FGF14: variants seen among roughly 807,000 people sequenced by gnomAD.
The protein encoded by FGF14 is fibroblast growth factor 14, also known as fibroblast growth factor homologous factor 4.
FGF14 carries 5 observed loss-of-function variants against 25.5 expected under a neutral mutation model. The ratio of observed to expected loss-of-function variants is 0.20; its 90% CI spans 0.10 to 0.41. The LOEUF (loss-of-function observed/expected upper bound fraction) is 0.41, where lower values mean the gene tolerates loss of function less well. FGF14 is among the 10% of genes least tolerant of loss of function. The pLI, the probability that FGF14 is intolerant of heterozygous loss-of-function variation, is 1.00. For missense variants in FGF14, 222 were observed against 320.1 expected (o/e 0.69, Z 2.34); for synonymous variants, 138 against 118.3 (o/e 1.17, Z -1.08).
At chr13:102,257,966 A>G (rs2141102028) in intron 1 of FGF14, among the ~76,000 whole-genome samples, 1 of 152,264 alleles carries the variant, frequency 6.6e-6, no homozygotes, top group Non-Finnish European at 1.5e-5. Context: ...ACTTAAAGAG[A>G]CTGGGTAATT....
At chr13:101,914,391 TATA>T (rs1378433792) in intron 1 of FGF14, among the ~76,000 whole-genome samples, 1 of 151,906 alleles carries the variant, frequency 6.6e-6, no homozygotes, top group Non-Finnish European at 1.5e-5. Context: ...ATATAAGAAA[TATA>T]AGAAGAATAA....
At chr13:102,176,848 C>G (rs1267988559) in intron 1 of FGF14, among the ~76,000 whole-genome samples, 2 of 151,936 alleles carry the variant, frequency 1.3e-5, no homozygotes, top group Non-Finnish European at 2.9e-5. Flanking sequence ...AAATTGTAAA[C>G]ATTAAACGTG....
intron 1 of FGF14, among the ~76,000 whole-genome samples, chr13:102,014,457 G>A (rs1438479408): frequency 6.6e-6 from 1 of 152,152 alleles, no homozygotes; most frequent in Non-Finnish European, 1.5e-5. Flanking sequence ...TGATAAGATT[G>A]TGTCTATATT....
chr13:101,812,611 CTATATATATATATATATATATATATA>C lies in FGF14; in HGVS notation c.408+56088_408+56113del, dbSNP rs35878751. On this transcript the variant is annotated intron_variant, in intron 3 of 4. Coordinates refer to ENST00000376143, the MANE Select transcript of FGF14 (RefSeq NM_004115.4). ...TCACTATTTTTTTATATTTTTAAAA[CTATATATATATATATATATATATATA>C]TATATATATATATATATTTTTTTTT... Among the ~76,000 whole-genome samples, 55 of 12,374 alleles carry C rather than the reference CTATATATATATATATATATATATATA, an allele frequency of 4.4e-3. 3 individuals are homozygous for C. In the East Asian group the frequency reaches 0.05, roughly 11 times the overall value. 8.1% of individuals were successfully genotyped at this position (12,374 alleles called of 152,430 possible). A position where few individuals can be genotyped will look rare whatever the true frequency, so the allele number is the denominator to read the frequency against.
At chr13:101,903,618 G>A (rs2031859406) in intron 1 of FGF14, among the ~76,000 whole-genome samples, 1 of 152,096 alleles carries the variant, frequency 6.6e-6, no homozygotes, top group Admixed American at 6.5e-5. Context: ...ATATAGAGCA[G>A]GGTGACTATA....
chr13:102,070,151 G>A (rs966898669), intron 1 of FGF14, among the ~76,000 whole-genome samples: 3 of 152,186 alleles, frequency 2.0e-5, no homozygotes, highest in Non-Finnish European at 2.9e-5. Context: ...GGATTAACCA[G>A]AAGATATAAG....
At chr13:102,317,486 T>C (rs986403429) in intron 1 of FGF14, among the ~76,000 whole-genome samples, 5 of 152,238 alleles carry the variant, frequency 3.3e-5, no homozygotes, top group Non-Finnish European at 5.9e-5. Flanking sequence ...TCCTTTCTCC[T>C]GGTTTTCTGC....
At chr13:102,189,235 G>C (rs1188707635) in intron 1 of FGF14, among the ~76,000 whole-genome samples, 2 of 152,082 alleles carry the variant, frequency 1.3e-5, no homozygotes, top group Non-Finnish European at 2.9e-5. Context: ...TGAAAAGTTG[G>C]TTTTAGTCAA....
intron 1 of FGF14, among the ~76,000 whole-genome samples, chr13:101,965,283 A>C (rs1170745381): frequency 2.6e-5 from 4 of 152,004 alleles, no homozygotes; most frequent in Non-Finnish European, 5.9e-5. Flanking sequence ...GGTTAACTAC[A>C]GAGTGAAGTT....
At chr13:102,011,406 T>C (rs1167590882) in intron 1 of FGF14, among the ~76,000 whole-genome samples, 1 of 152,192 alleles carries the variant, frequency 6.6e-6, no homozygotes, top group Non-Finnish European at 1.5e-5. Flanking sequence ...AGCTTATTCA[T>C]AGCTGAGAGC....
chr13:102,211,387 A>G (rs1236453897), intron 1 of FGF14, among the ~76,000 whole-genome samples: 5 of 152,212 alleles, frequency 3.3e-5, no homozygotes, highest in Admixed American at 3.3e-4. Flanking sequence ...GCTCTGTTGT[A>G]AATTTGCTTA....
At chr13:102,230,915 G>A (rs1274785786) in intron 1 of FGF14, among the ~76,000 whole-genome samples, 5 of 152,168 alleles carry the variant, frequency 3.3e-5, no homozygotes, top group African/African-American at 1.2e-4. Context: ...TGGGGGAGAA[G>A]TTATCTCTAT....
chr13:102,031,871 G>T (rs1318637565), intron 1 of FGF14, among the ~76,000 whole-genome samples: 1 of 151,980 alleles, frequency 6.6e-6, no homozygotes, highest in Non-Finnish European at 1.5e-5. Flanking sequence ...GAAACATTAA[G>T]GAATAATGGT....
chr13:101,940,410 C>G (rs2035372105), intron 1 of FGF14, among the ~76,000 whole-genome samples: 1 of 152,184 alleles, frequency 6.6e-6, no homozygotes. Context: ...CTGTGCACAC[C>G]TGTTCTTTCC....
Position 101,779,965 on chromosome 13 carries a change from C to T in FGF14, c.409-53155G>A, listed in dbSNP as rs894354076. On this transcript the variant is annotated intron_variant, in intron 3 of 4. Transcript: ENST00000376143. ...GCAAGTATCATGCCTTGAAAAACCT[C>T]CCTTCTCTGTGGTTCTATGGTAAAG... Among the ~76,000 whole-genome samples, 4 of 152,108 alleles carry T rather than the reference C, an allele frequency of 2.6e-5. No homozygotes were observed. In the South Asian group the frequency reaches 6.2e-4, roughly 24 times the overall value.
At chr13:101,745,859 G>A (rs1418507335) in intron 3 of FGF14, among the ~76,000 whole-genome samples, 1 of 152,008 alleles carries the variant, frequency 6.6e-6, no homozygotes, top group East Asian at 1.9e-4. Flanking sequence ...AACACACTTA[G>A]GGGAATGAAG....
At chr13:102,376,849 T>A (rs1045694562) in intron 1 of FGF14, among the ~76,000 whole-genome samples, 8 of 152,326 alleles carry the variant, frequency 5.3e-5, no homozygotes, top group African/African-American at 1.9e-4. Context: ...GAATTCCATG[T>A]TTTCCAATGA....
chr13:101,949,782 C>T (rs2036038996), intron 1 of FGF14, among the ~76,000 whole-genome samples: 1 of 152,184 alleles, frequency 6.6e-6, no homozygotes, highest in South Asian at 2.1e-4. Flanking sequence ...GAACCTCAAT[C>T]TCATTCATTG....
In FGF14 at chr13:101,822,665, A is replaced by G. The variant is rs555757487; in HGVS notation, c.408+46060T>C. On this transcript the variant is annotated intron_variant, in intron 3 of 4. Coordinates refer to ENST00000376143, the MANE Select transcript of FGF14 (RefSeq NM_004115.4). ...ATTTTGATATGAGCATGCATTGTGT[A>G]ACGATCAAATCAGGGCCAATTGGAA... Among the ~76,000 whole-genome samples, 3 of 152,312 alleles carry G rather than the reference A, an allele frequency of 2.0e-5. No homozygotes were observed. In the South Asian group the frequency reaches 6.2e-4, roughly 32 times the overall value.
Sources: allele counts gnomAD v4.1 joint callset (sites outside exome capture counted in the v4.1 genomes callset), GRCh38; gene constraint gnomAD v4.1.1; transcripts MANE v1.5; gene names NCBI Gene and HGNC (gene_info 2026-07-23, HGNC 2026-07-21).